ENPP3: variants seen among roughly 807,000 people sequenced by gnomAD.
ENPP3 encodes ectonucleotide pyrophosphatase/phosphodiesterase 3.
Under a neutral mutation model 117.8 loss-of-function variants are expected in ENPP3, and 104 were observed. The observed-to-expected ratio is 0.88, with a 90% CI of 0.75 to 1.04. ENPP3 has a LOEUF of 1.04. ENPP3 is among the 50% of genes least tolerant of loss of function. ENPP3 has a pLI of 0.00. For missense variants in ENPP3, 1,026 were observed against 1,051.9 expected, an observed-to-expected ratio of 0.98 and a Z score of 0.34; for synonymous variants, 380 against 349.9, an observed-to-expected ratio of 1.09 and a Z score of -0.96.
At position 131,693,313 on chromosome 6, in the gene ENPP3, C is replaced by A. The variant is rs984754062; in HGVS notation, c.1285-184C>A. Among the ~76,000 whole-genome samples the A allele has an allele frequency of 1.4e-5, 2 of 142,616 alleles. 1 individual carries two copies. The highest frequency in any genetic ancestry group is 5.7e-5 in the African/African-American group (2 of 34,902). The allele number at this position is 142,616 out of a possible 152,430, so 93.6% of individuals were successfully genotyped here. ...AATTGCAACCTGATTATCATTGCAA[C>A]GGCAAAACTAATAACTAGGGGGATC... On this transcript the variant is annotated intron_variant, in intron 14 of 24. Coordinates refer to ENST00000357639, the MANE Select transcript of ENPP3 (RefSeq NM_005021.5).
intron 24 of ENPP3, among the ~76,000 whole-genome samples, chr6:131,745,264 AT>A (rs34273961): frequency 0.045 from 6,555 of 145,846 alleles, 164 homozygotes; most frequent in Non-Finnish European, 0.065. Context: ...AACATGGCGC[AT>A]TTTTTTTTTT....
chr6:131,734,009 A>G (rs914254182), intron 21 of ENPP3, among the ~76,000 whole-genome samples: 1 of 152,164 alleles, frequency 6.6e-6, no homozygotes, highest in African/African-American at 2.4e-5. Flanking sequence ...GCAGAAGGAC[A>G]CAAACATCTA....
At chr6:131,664,322 A>C (rs1383646155) in intron 6 of ENPP3, among the ~76,000 whole-genome samples, 7 of 152,180 alleles carry the variant, frequency 4.6e-5, no homozygotes, top group Non-Finnish European at 1.0e-4. Context: ...AAAAACAAAA[A>C]ATTAAAAAAC....
At chr6:131,660,124 G>A (rs543424808) in intron 6 of ENPP3, among the ~76,000 whole-genome samples, 15 of 152,306 alleles carry the variant, frequency 9.8e-5, no homozygotes, top group African/African-American at 3.4e-4. Context: ...GCCTGATTAA[G>A]AATAGATGTG....
At chr6:131,734,502 A>G (rs1053162403) in intron 21 of ENPP3, among the ~76,000 whole-genome samples, 6 of 152,202 alleles carry the variant, frequency 3.9e-5, no homozygotes, top group African/African-American at 1.4e-4. Context: ...AGCGTTATCA[A>G]TTTAAAACTC....
intron 6 of ENPP3, among the ~76,000 whole-genome samples, chr6:131,662,752 C>T (rs1778530282): frequency 6.6e-6 from 1 of 152,052 alleles, no homozygotes; most frequent in South Asian, 2.1e-4. Context: ...ATAAAGATTA[C>T]ATTGAATCTA....
In ENPP3 at chr6:131,722,236, G is replaced by A. The variant is rs370856361; in HGVS notation, c.1577G>A (p.Arg526His). Residue 526 changes from arginine to histidine, a missense_variant, in exon 18 of 25, where the codon CGC becomes CAC. Arg to His is a conservative substitution (Grantham distance 29). Transcript: ENST00000357639. ...TTTTTTCAAAAAACAGATCTTCTAC[G>A]CATTCAACCAGCACCAAACAATGGA... ...EVYNLMCDLL[R>H]IQPAPNNGTH... The A allele has an allele frequency of 1.5e-5, 24 of 1,610,450 alleles. No homozygotes were observed. Among genetic ancestry groups the A allele is most frequent in the East Asian group, 2.2e-5 (1 of 44,858 alleles).
intron 24 of ENPP3, among the ~76,000 whole-genome samples, chr6:131,741,459 A>G (rs755101915): frequency 2.0e-4 from 31 of 152,370 alleles, no homozygotes; most frequent in South Asian, 8.3e-4. Flanking sequence ...AGGATTTAAT[A>G]TTTGAAATTA....
chr6:131,699,235 C>CAAAAAAAAAAAAAA (rs4053087), intron 15 of ENPP3, among the ~76,000 whole-genome samples: 6 of 107,942 alleles, frequency 5.6e-5, no homozygotes, highest in African/African-American at 1.9e-4. Context: ...AAGACTGTCT[C>CAAAAAAAAAAAAAA]AAAAAAAAAA....
At chr6:131,694,010 T>G (rs1779347872) in intron 15 of ENPP3, among the ~76,000 whole-genome samples, 1 of 152,238 alleles carries the variant, frequency 6.6e-6, no homozygotes, top group Admixed American at 6.5e-5. Context: ...GTGGTTTTTA[T>G]AAAAGAGCAC....
At chr6:131,740,201 A>C in intron 23 of ENPP3, 23 bp from the exon 24 acceptor site, 1 of 1,541,010 alleles carries the variant, frequency 6.5e-7, no homozygotes. Context: ...ACATCAAAAC[A>C]TGTTTTCAAT....
At chr6:131,668,969 G>A (rs1447962981) in intron 6 of ENPP3, among the ~76,000 whole-genome samples, 1 of 152,224 alleles carries the variant, frequency 6.6e-6, no homozygotes, top group African/African-American at 2.4e-5. Context: ...CAGCAGATGT[G>A]TCTTGTTTAT....
chr6:131,641,799 G>GTTTTTTTTTTTTT lies in ENPP3; in HGVS notation c.154+281_154+293dup, dbSNP rs540011427. Among the ~76,000 whole-genome samples, 29 of 64,062 alleles carry GTTTTTTTTTTTTT rather than the reference G, an allele frequency of 4.5e-4. 5 individuals carry two copies. The highest frequency in any genetic ancestry group is 1.5e-3 in the African/African-American group (20 of 13,512). The allele number at this position is 64,062 out of a possible 152,430, so 42.0% of individuals were successfully genotyped here. On this transcript the variant is annotated intron_variant, in intron 2 of 24. Transcript: ENST00000357639. Reference sequence around the variant, plus strand: ...TTTTCTCTTACCTTTCTCCACCCTGGTTTTTTTTTTTTTTTTTTTTTTTTG... The same window carrying GTTTTTTTTTTTTT: ...TTTTCTCTTACCTTTCTCCACCCTGGTTTTTTTTTTTTTTTTTTTTTTTTTTTTTTTTTTTTTG...
intron 2 of ENPP3, among the ~76,000 whole-genome samples, chr6:131,645,306 A>G (rs1585611132): frequency 6.6e-6 from 1 of 152,242 alleles, no homozygotes; most frequent in Admixed American, 6.5e-5. Flanking sequence ...TGGCTGCCTC[A>G]GCCTACCCTA....
intron 14 of ENPP3, among the ~76,000 whole-genome samples, chr6:131,692,915 AT>A (rs1779315785): frequency 6.8e-6 from 1 of 146,118 alleles, no homozygotes; most frequent in African/African-American, 2.5e-5. Context: ...ATAGTTATAT[AT>A]TATACACTAT....
At chr6:131,740,431 A>G in intron 24 of ENPP3, 51 bp downstream of exon 24, 2 of 1,371,952 alleles carry the variant, frequency 1.5e-6, no homozygotes, top group Non-Finnish European at 9.6e-7. Flanking sequence ...GTCAGAGCTC[A>G]TTTGGGTTCT....
In ENPP3 at chr6:131,650,035, A is replaced by G; in HGVS notation, c.163A>G (p.Arg55Gly). 1 of 1,613,934 alleles carries G rather than the reference A, an allele frequency of 6.2e-7. No homozygotes were observed. The highest frequency in any genetic ancestry group is 1.3e-5 in the African/African-American group (1 of 75,000). Residue 55 changes from arginine (R) to glycine (G), a missense_variant, in exon 3 of 25, where the codon AGG becomes GGG. Arg to Gly is a moderately radical substitution (Grantham distance 125). Transcript: ENST00000357639. ...LRKLEKQGSC[R>G]KKCFDASFRG... ...TTTCCTTTACTTTGTAGGCAGCTGC[A>G]GGAAGAAGTGCTTTGATGCATCATT...
At chr6:131,649,270 T>C (rs1778213252) in intron 2 of ENPP3, among the ~76,000 whole-genome samples, 1 of 152,142 alleles carries the variant, frequency 6.6e-6, no homozygotes, top group South Asian at 2.1e-4. Context: ...ATCTAGTTCA[T>C]TACTCTCTGC....
intron 1 of ENPP3, among the ~76,000 whole-genome samples, chr6:131,639,277 T>TC (rs1777993364): frequency 1.4e-5 from 2 of 140,642 alleles, no homozygotes; most frequent in South Asian, 2.3e-4. Flanking sequence ...TTTTTTTTTT[T>TC]TCTCTCTCTC....
Sources: allele counts gnomAD v4.1 joint callset (sites outside exome capture counted in the v4.1 genomes callset), GRCh38; gene constraint gnomAD v4.1.1; transcripts MANE v1.5; gene names NCBI Gene and HGNC (gene_info 2026-07-23, HGNC 2026-07-21).